CALN1: variants seen among roughly 807,000 people sequenced by gnomAD.
The protein encoded by CALN1 is calneuron 1, also known as calcium-binding protein 8.
Under a neutral mutation model 30.6 loss-of-function variants are expected in CALN1, and 17 were observed. The ratio of observed to expected loss-of-function variants is 0.56; its 90% CI spans 0.38 to 0.83. The LOEUF (loss-of-function observed/expected upper bound fraction) is 0.83, where lower values mean the gene tolerates loss of function less well. Among genes scored for constraint, CALN1 ranks in the 40% least tolerant of loss-of-function variants. The pLI, the probability that CALN1 is intolerant of heterozygous loss-of-function variation, is 0.00. For missense variants in CALN1, 291 were observed against 354.9 expected (o/e 0.82, Z 1.45); for synonymous variants, 156 against 131.4 (o/e 1.19, Z -1.28).
chr7:72,337,356 G>T (rs1045512878), intron 2 of CALN1: 2 of 934,226 alleles, frequency 2.1e-6, no homozygotes, highest in Non-Finnish European at 1.3e-6. Context: ...CTCTCCAATG[G>T]CTCCCTCGGT....
chr7:72,123,021 A>G (rs1437008689), intron 3 of CALN1, among the ~76,000 whole-genome samples: 1 of 152,218 alleles, frequency 6.6e-6, no homozygotes, highest in Non-Finnish European at 1.5e-5. Flanking sequence ...GACTGGGCTC[A>G]ACTCTGAATA....
At chr7:72,059,569 A>C (rs1245358847) in intron 4 of CALN1, among the ~76,000 whole-genome samples, 1 of 152,184 alleles carries the variant, frequency 6.6e-6, no homozygotes, top group South Asian at 2.1e-4. Flanking sequence ...CCAAAAAGAA[A>C]TTGAACTATA....
chr7:72,462,578 G>A, the CALN1 span, among the ~76,000 whole-genome samples: 3 of 152,282 alleles, frequency 2.0e-5, no homozygotes, highest in East Asian at 1.9e-4. Context: ...CAATACTGTC[G>A]AGGAGGTCGC....
chr7:71,971,971 AAGAAAGAAAGAAAG>A (rs1319767477), intron 5 of CALN1, among the ~76,000 whole-genome samples: 1 of 141,880 alleles, frequency 7.0e-6, no homozygotes, highest in Non-Finnish European at 1.5e-5. Flanking sequence ...GAAAGAAAGA[AAGAAAGAAAGAAAG>A]AAAGAAAGAG....
chr7:72,184,143 T>G (rs1237518441), intron 3 of CALN1, among the ~76,000 whole-genome samples: 2 of 152,204 alleles, frequency 1.3e-5, no homozygotes, highest in Non-Finnish European at 2.9e-5. Flanking sequence ...CTTACTTCAC[T>G]GGGATGACCC....
chr7:72,440,813 C>T (rs1001975296), intron 1 of CALN1, among the ~76,000 whole-genome samples: 3 of 152,210 alleles, frequency 2.0e-5, no homozygotes, highest in Non-Finnish European at 4.4e-5. Flanking sequence ...AGCAACAGAG[C>T]GAGACTCTGT....
chr7:72,300,102 G>A (rs954938348), intron 2 of CALN1, among the ~76,000 whole-genome samples: 7 of 151,840 alleles, frequency 4.6e-5, no homozygotes, highest in African/African-American at 7.3e-5. Flanking sequence ...GGCTGGTCTC[G>A]AACTCCTGAC....
chr7:72,143,910 C>T (rs1479276834), intron 3 of CALN1, among the ~76,000 whole-genome samples: 1 of 152,184 alleles, frequency 6.6e-6, no homozygotes, highest in Non-Finnish European at 1.5e-5. Flanking sequence ...AAATACTTTA[C>T]AGACAAGCAA....
At chr7:72,028,683 T>G (rs779050300) in intron 4 of CALN1, among the ~76,000 whole-genome samples, 44 of 152,178 alleles carry the variant, frequency 2.9e-4, no homozygotes, top group Non-Finnish European at 6.0e-4. Flanking sequence ...CTTGTGATAC[T>G]TTGATTTATA....
At chr7:71,971,698 G>A (rs1473540545) in intron 5 of CALN1, among the ~76,000 whole-genome samples, 1 of 151,494 alleles carries the variant, frequency 6.6e-6, no homozygotes, top group African/African-American at 2.4e-5. Flanking sequence ...GGGACTTTGA[G>A]AACAGCCCGG....
intron 5 of CALN1, chr7:71,942,362 T>C: frequency 5.7e-6 from 1 of 173,940 alleles, no homozygotes; most frequent in Non-Finnish European, 1.4e-5. Flanking sequence ...GTGGAATTTA[T>C]GGACAACACG....
chr7:72,291,896 G>A (rs765507114), intron 2 of CALN1, among the ~76,000 whole-genome samples: 24 of 151,954 alleles, frequency 1.6e-4, no homozygotes, highest in Non-Finnish European at 2.1e-4. Flanking sequence ...ACAGACATGA[G>A]CCACCGAGCC....
chr7:72,087,782 G>C (rs940280745), intron 4 of CALN1, among the ~76,000 whole-genome samples: 1 of 152,180 alleles, frequency 6.6e-6, no homozygotes, highest in East Asian at 1.9e-4. Context: ...GATAAGGCTA[G>C]TAAGAGAGAT....
intron 4 of CALN1, among the ~76,000 whole-genome samples, chr7:72,046,129 C>T (rs965143661): frequency 7.3e-5 from 11 of 150,766 alleles, no homozygotes; most frequent in African/African-American, 2.7e-4. Flanking sequence ...CCTGGGCAAC[C>T]CAGCAAAACC....
chr7:71,865,338 CG>C, intron 5 of CALN1, among the ~76,000 whole-genome samples: 1 of 152,324 alleles, frequency 6.6e-6, no homozygotes, highest in South Asian at 2.1e-4. Context: ...GCTCTGGCCA[CG>C]TAAGAAGTGC....
rs548118780 is a variant in CALN1 at position 71,857,618 on chromosome 7, T to C, written c.502-47126A>G. ...TCCTCCCCCTGTTCTCTTGGTGGAG[T>C]TGCCCCCGCCCACTTAATCAGGCGA... On this transcript the variant is annotated intron_variant, in intron 5 of 6. Coordinates refer to ENST00000395275, the MANE Select transcript of CALN1 (RefSeq NM_031468.4). Among the ~76,000 whole-genome samples the C allele has an allele frequency of 4.6e-5, 7 of 152,140 alleles. No individual in the cohort carries two copies. In the South Asian group the frequency reaches 1.5e-3, roughly 32 times the overall value.
intron 2 of CALN1, among the ~76,000 whole-genome samples, chr7:72,396,688 A>G (rs1173829014): frequency 6.6e-6 from 1 of 152,070 alleles, no homozygotes; most frequent in Non-Finnish European, 1.5e-5. Flanking sequence ...TTGGGTGGGT[A>G]GGGAGTTGAA....
chr7:72,330,969 T>C (rs1585511321), intron 2 of CALN1, among the ~76,000 whole-genome samples: 1 of 152,126 alleles, frequency 6.6e-6, no homozygotes, highest in African/African-American at 2.4e-5. Context: ...CAATTAATAA[T>C]CCTGCCAATT....
At chr7:72,151,728 T>C (rs1232694193) in intron 3 of CALN1, among the ~76,000 whole-genome samples, 1 of 151,950 alleles carries the variant, frequency 6.6e-6, no homozygotes, top group African/African-American at 2.4e-5. Flanking sequence ...TTGTTGTTGT[T>C]AGAGACAGGG....
Sources: gnomAD v4.1 joint callset for allele counts (sites outside exome capture counted in the v4.1 genomes callset) on GRCh38, gnomAD v4.1.1 for gene constraint, MANE v1.5 for transcripts, NCBI Gene and HGNC (gene_info 2026-07-23, HGNC 2026-07-21) for gene names.